The following STARD13 variants were observed in gnomAD, a reference collection of about 807,000 sequenced individuals.
The protein encoded by STARD13 is StAR related lipid transfer domain containing 13.
STARD13 carries 62 observed loss-of-function variants against 106.4 expected under a neutral mutation model. The ratio of observed to expected loss-of-function variants is 0.58; its 90% confidence interval spans 0.48 to 0.72. STARD13 has a LOEUF of 0.72. STARD13 is among the 30% of genes least tolerant of loss of function. The pLI, the probability that STARD13 is intolerant of heterozygous loss-of-function variation, is 0.00. For synonymous variants in STARD13, 565 were observed against 553.0 expected (o/e 1.02, Z -0.31); for missense variants, 1,387 against 1,424.0 (o/e 0.97, Z 0.42).
At chr13:33,610,166 G>T in the STARD13 span, among the ~76,000 whole-genome samples, 4 of 152,060 alleles carry the variant, frequency 2.6e-5, no homozygotes, top group African/African-American at 4.8e-5. Flanking sequence ...TAAAAACCAT[G>T]CAAGATCATA....
At chr13:33,334,211 T>G (rs551199070) in intron 1 of STARD13, among the ~76,000 whole-genome samples, 5 of 152,374 alleles carry the variant, frequency 3.3e-5, no homozygotes, top group Admixed American at 2.0e-4. Flanking sequence ...TTCTTGTATT[T>G]CCTCAACAAT....
chr13:33,665,465 A>T, the STARD13 span, among the ~76,000 whole-genome samples: 1 of 152,226 alleles, frequency 6.6e-6, no homozygotes, highest in Non-Finnish European at 1.5e-5. Context: ...TTGTACCTTT[A>T]ATTAAGAAAT....
chr13:33,620,036 G>A, the STARD13 span, among the ~76,000 whole-genome samples: 7 of 152,064 alleles, frequency 4.6e-5, no homozygotes, highest in South Asian at 4.2e-4. Context: ...CAGCCTGGGC[G>A]ACAAGAGCAA....
chr13:33,460,738 A>C, the STARD13 span, among the ~76,000 whole-genome samples: 3 of 152,118 alleles, frequency 2.0e-5, no homozygotes, highest in African/African-American at 7.2e-5. Flanking sequence ...ACTCAAAAAA[A>C]ACAAAAAAAA....
At chr13:33,611,137 G>A in the STARD13 span, 1 of 152,214 alleles carries the variant, frequency 6.6e-6, no homozygotes, top group Non-Finnish European at 1.5e-5. Flanking sequence ...TTAATTCGGG[G>A]TATCCTTTTT....
In STARD13 at chr13:33,104,602, CTG is replaced by C. The variant is rs1358104227; in HGVS notation, c.*989_*990del. 1.3e-5 allele frequency: 2 copies of C among 152,638 alleles called. No homozygotes were observed. 9.5% of individuals were successfully genotyped at this position (152,638 alleles called of 1,614,324 possible). ...AGTGCAATAAGAAAACACCAATTAA[CTG>C]TGACCAAATAGGCCACTGGTCAAAT... On this transcript the variant is annotated 3_prime_UTR_variant, in exon 14 of 14. Coordinates refer to ENST00000336934, the MANE Select transcript of STARD13 (RefSeq NM_178006.4).
intron 1 of STARD13, among the ~76,000 whole-genome samples, chr13:33,210,007 G>A (rs191048386): frequency 1.1e-4 from 16 of 152,268 alleles, no homozygotes; most frequent in Admixed American, 2.6e-4. Flanking sequence ...ACAGAGTCCA[G>A]TTCCAGCTTC....
the STARD13 span, among the ~76,000 whole-genome samples, chr13:33,570,221 A>G: frequency 2.0e-5 from 3 of 148,032 alleles, 1 homozygote; most frequent in Admixed American, 2.1e-4. Context: ...CATCTATGAA[A>G]GAGCACGGGG....
At position 33,127,079 on chromosome 13, in the gene STARD13, G is replaced by A. The variant is rs540432536; in HGVS notation, c.1922+294C>T. ...AACTGCCAGGATTATTTTATGGCAA[G>A]TTTATTTTTATTTCCTCTGTTCACA... On this transcript the variant is annotated intron_variant, in intron 6 of 13. Transcript: ENST00000336934. Among the ~76,000 whole-genome samples, 359 of 152,350 alleles carry A rather than the reference G, an allele frequency of 2.4e-3. 2 individuals carry two copies. Among genetic ancestry groups the A allele is most frequent in the African/African-American group, 8.1e-3 (335 of 41,578 alleles).
chr13:33,128,501 T>G (rs1877589817), intron 5 of STARD13, among the ~76,000 whole-genome samples: 1 of 152,158 alleles, frequency 6.6e-6, no homozygotes, highest in Non-Finnish European at 1.5e-5. Context: ...AGTACACATC[T>G]TAGGCCTCAG....
chr13:33,426,542 C>T, the STARD13 span, among the ~76,000 whole-genome samples: 1 of 152,016 alleles, frequency 6.6e-6, no homozygotes, highest in Non-Finnish European at 1.5e-5. Flanking sequence ...TTTTTAAATC[C>T]AAAACTATTC....
chr13:33,589,650 T>A, the STARD13 span, among the ~76,000 whole-genome samples: 1 of 152,248 alleles, frequency 6.6e-6, no homozygotes, highest in African/African-American at 2.4e-5. Flanking sequence ...TTGATTGCAC[T>A]GTGGTCTGAG....
chr13:33,572,720 T>C, the STARD13 span, among the ~76,000 whole-genome samples: 1 of 152,158 alleles, frequency 6.6e-6, no homozygotes, highest in Non-Finnish European at 1.5e-5. Context: ...AGAGAAATCA[T>C]TCCACAAAGT....
At chr13:33,516,243 A>G in the STARD13 span, among the ~76,000 whole-genome samples, 2 of 148,634 alleles carry the variant, frequency 1.3e-5, no homozygotes, top group African/African-American at 4.9e-5. Flanking sequence ...ATTATAATTC[A>G]TAATATAATG....
At chr13:33,491,504 T>A in the STARD13 span, among the ~76,000 whole-genome samples, 55 of 152,132 alleles carry the variant, frequency 3.6e-4, no homozygotes, top group Non-Finnish European at 6.5e-4. Context: ...TTCCTAAGAG[T>A]CTATATGGTA....
chr13:33,614,707 A>G, the STARD13 span, among the ~76,000 whole-genome samples: 1 of 152,236 alleles, frequency 6.6e-6, no homozygotes, highest in Non-Finnish European at 1.5e-5. Context: ...TGTGATTTTC[A>G]AGAAGCAGAG....
chr13:33,568,259 T>C, the STARD13 span, among the ~76,000 whole-genome samples: 193 of 147,904 alleles, frequency 1.3e-3, 12 homozygotes, highest in Middle Eastern at 6.9e-3. Context: ...ACCAGTCTGC[T>C]TGGACTTGTG....
chr13:33,273,573 T>G (rs141091392), intron 1 of STARD13, among the ~76,000 whole-genome samples: 1 of 152,348 alleles, frequency 6.6e-6, no homozygotes, highest in African/African-American at 2.4e-5. Flanking sequence ...TTCAACAAAT[T>G]GATAGTGATC....
chr13:33,479,444 T>C, the STARD13 span, among the ~76,000 whole-genome samples: 1 of 152,188 alleles, frequency 6.6e-6, no homozygotes, highest in Non-Finnish European at 1.5e-5. Context: ...GCATTATTTG[T>C]AAAAACAAAA....
Sources: gnomAD v4.1 joint callset for allele counts (sites outside exome capture counted in the v4.1 genomes callset) on GRCh38, gnomAD v4.1.1 for gene constraint, MANE v1.5 for transcripts, NCBI Gene and HGNC (gene_info 2026-07-23, HGNC 2026-07-21) for gene names.